The following CRISPLD2 variants were observed in gnomAD, a reference collection of about 807,000 sequenced individuals.
CRISPLD2 encodes the protein cysteine-rich secretory protein LCCL domain-containing 2.
CRISPLD2 carries 47 observed loss-of-function variants against 71.1 expected under a neutral mutation model. The ratio of observed to expected loss-of-function variants is 0.66; its 90% CI spans 0.52 to 0.84. The LOEUF (loss-of-function observed/expected upper bound fraction) is 0.84. CRISPLD2 is among the 40% of genes least tolerant of loss of function. The pLI, the probability that CRISPLD2 is intolerant of heterozygous loss-of-function variation, is 0.00. For missense variants in CRISPLD2, 830 were observed against 651.1 expected (o/e 1.27, Z -2.99); for synonymous variants, 317 against 250.1 (o/e 1.27, Z -2.52).
rs1048112820 is a variant in CRISPLD2 at position 84,849,301 on chromosome 16, C to G, written c.360-84C>G. On this transcript the variant is annotated intron_variant, in intron 3 of 14. Transcript: ENST00000262424. Reference sequence around the variant, plus strand: ...TATTCACCCTCCTCGGCCTCCCTCCCTCCTACCTGCCCGTGGCTGCTGCTG... The same window carrying G: ...TATTCACCCTCCTCGGCCTCCCTCCGTCCTACCTGCCCGTGGCTGCTGCTG... 34 of 1,391,454 alleles carry G rather than the reference C, an allele frequency of 2.4e-5. 1 individual carries two copies. The highest frequency in any genetic ancestry group is 3.2e-5 in the Non-Finnish European group (32 of 1,014,192). 86.2% of individuals were successfully genotyped at this position (1,391,454 alleles called of 1,614,324 possible).
chr16:84,898,146 G>A (rs1438071811), intron 14 of CRISPLD2, among the ~76,000 whole-genome samples: 3 of 152,234 alleles, frequency 2.0e-5, no homozygotes, highest in East Asian at 3.9e-4. Context: ...TTTTGCGCAA[G>A]CCTGTGCACT....
At chr16:84,888,999 C>A (rs1445515726) in intron 13 of CRISPLD2, among the ~76,000 whole-genome samples, 2 of 152,348 alleles carry the variant, frequency 1.3e-5, no homozygotes, top group East Asian at 1.9e-4. Flanking sequence ...CCGTGCCTGG[C>A]ATATAATAGG....
rs1279995301 is a variant in CRISPLD2, at chr16:84,866,967, A to C, written c.780A>C (p.Glu260Asp). 1.2e-6 allele frequency: 2 copies of C among 1,614,100 alleles called. No individual in the cohort carries two copies. The highest frequency in any genetic ancestry group is 3.3e-5 in the Admixed American group (2 of 60,010). ...NEVETAPIPEENHVWLQPRVM... is the reference protein window; with the variant it reads ...NEVETAPIPEDNHVWLQPRVM... ...TGGAAACGGCTCCCATTCCTGAAGA[A>C]AACCATGTTTGGCTCCAACCGAGGG... The change falls in exon 7 of 15, where the codon GAA becomes GAC. Residue 260 changes from glutamate to aspartate, a missense_variant. Transcript: ENST00000262424.
At chr16:84,861,844 C>T (rs888078950) in intron 6 of CRISPLD2, among the ~76,000 whole-genome samples, 2 of 152,142 alleles carry the variant, frequency 1.3e-5, no homozygotes, top group East Asian at 3.9e-4. Flanking sequence ...ATGGGAAGAT[C>T]GCTTGAGTCC....
At chr16:84,891,382 C>T (rs763520584) in intron 14 of CRISPLD2, among the ~76,000 whole-genome samples, 15 of 152,180 alleles carry the variant, frequency 9.9e-5, no homozygotes, top group Non-Finnish European at 2.1e-4. Flanking sequence ...GTACCCAGAT[C>T]GTGCCCATTC....
chr16:84,878,555 C>T (rs949835776), intron 12 of CRISPLD2, among the ~76,000 whole-genome samples: 9 of 152,196 alleles, frequency 5.9e-5, no homozygotes, highest in African/African-American at 1.7e-4. Flanking sequence ...TCTGTGGATA[C>T]GTGACAACGG....
chr16:84,900,058 G>T (rs376696503), intron 14 of CRISPLD2, among the ~76,000 whole-genome samples: 1 of 152,010 alleles, frequency 6.6e-6, no homozygotes, highest in African/African-American at 2.4e-5. Flanking sequence ...CAGCAGGGCC[G>T]CCAGGGTCAC....
intron 2 of CRISPLD2, among the ~76,000 whole-genome samples, chr16:84,841,149 A>C (rs1916760188): frequency 6.6e-6 from 1 of 152,224 alleles, no homozygotes; most frequent in African/African-American, 2.4e-5. Context: ...GGGAGCTGCA[A>C]GAAAGAACGT....
rs147642053 is a variant in CRISPLD2, at chr16:84,848,736, C to T, written c.360-649C>T. On this transcript the variant is annotated intron_variant, in intron 3 of 14. Coordinates refer to ENST00000262424, the MANE Select transcript of CRISPLD2 (RefSeq NM_031476.4). ...GATGACAGGCATGAGCCACCATGTT[C>T]GGCCTTAAGTGCACTCACGTCTTCA... Among the ~76,000 whole-genome samples the T allele has an allele frequency of 9.3e-3, 1,421 of 152,294 alleles. 20 individuals carry two copies. The highest frequency in any genetic ancestry group is 0.032 in the African/African-American group (1,317 of 41,554).
intron 14 of CRISPLD2, among the ~76,000 whole-genome samples, chr16:84,891,143 TG>T (rs2071658747): frequency 6.6e-6 from 1 of 152,308 alleles, no homozygotes; most frequent in East Asian, 1.9e-4. Context: ...CATTAACATA[TG>T]GATTTTGAGG....
intron 1 of CRISPLD2, among the ~76,000 whole-genome samples, chr16:84,824,819 A>G (rs926386211): frequency 2.0e-5 from 3 of 152,142 alleles, no homozygotes; most frequent in Non-Finnish European, 4.4e-5. Flanking sequence ...AATACAAAAT[A>G]TGGGGCCAGG....
intron 1 of CRISPLD2, among the ~76,000 whole-genome samples, chr16:84,833,762 T>C (rs1312904551): frequency 6.6e-6 from 1 of 152,118 alleles, no homozygotes; most frequent in Admixed American, 6.5e-5. Flanking sequence ...GTCACCATGA[T>C]GCGAGGGTCT....
chr16:84,886,291 T>C (rs577645472), intron 13 of CRISPLD2, among the ~76,000 whole-genome samples: 2 of 152,332 alleles, frequency 1.3e-5, no homozygotes, highest in African/African-American at 4.8e-5. Flanking sequence ...AGGGTGCATT[T>C]TCCAGACAAA....
intron 9 of CRISPLD2, 129 bp downstream of exon 9, chr16:84,872,637 C>A: frequency 1.2e-6 from 1 of 827,638 alleles, no homozygotes; most frequent in Non-Finnish European, 1.9e-6. Context: ...ATTTCTAGAA[C>A]TGGGGCGGGT....
chr16:84,850,869 C>T (rs769328943), intron 5 of CRISPLD2, among the ~76,000 whole-genome samples, 186 bp downstream of exon 5: 9 of 152,124 alleles, frequency 5.9e-5, no homozygotes, highest in Non-Finnish European at 8.8e-5. Context: ...GGGTTCTTTC[C>T]GTCTTCCTGC....
At chr16:84,881,847 C>A (rs1257013554) in intron 13 of CRISPLD2, among the ~76,000 whole-genome samples, 1 of 152,118 alleles carries the variant, frequency 6.6e-6, no homozygotes, top group African/African-American at 2.4e-5. Context: ...TCCCCGCCAT[C>A]ATCTTTGCCT....
At chr16:84,850,880 C>T (rs575886874) in intron 5 of CRISPLD2, among the ~76,000 whole-genome samples, 197 bp downstream of exon 5, 12 of 152,170 alleles carry the variant, frequency 7.9e-5, no homozygotes, top group East Asian at 1.9e-4. Flanking sequence ...GTCTTCCTGC[C>T]GTACCATTCT....
At chr16:84,860,461 G>A (rs1440514924) in intron 6 of CRISPLD2, among the ~76,000 whole-genome samples, 1 of 152,290 alleles carries the variant, frequency 6.6e-6, no homozygotes, top group East Asian at 1.9e-4. Flanking sequence ...CTAGTTATAG[G>A]TCTAGAAGCA....
rs949483859 is a variant in CRISPLD2, at chr16:84,881,027, C to T, written c.1305+443C>T. On this transcript the variant is annotated intron_variant, in intron 13 of 14. Transcript: ENST00000262424. ...GCCAACCTCTTAGCTAAGTTTAGAC[C>T]ACTCATTTCTGCAAACATTTTCCCC... 5.3e-5 allele frequency among the ~76,000 whole-genome samples: 8 copies of T among 152,138 alleles called. No individual in the cohort carries two copies. The South Asian group carries it at 8.3e-4, about 16-fold the overall frequency.
Sources: gnomAD v4.1 joint callset for allele counts (sites outside exome capture counted in the v4.1 genomes callset) on GRCh38, gnomAD v4.1.1 for gene constraint, MANE v1.5 for transcripts, NCBI Gene and HGNC (gene_info 2026-07-23, HGNC 2026-07-21) for gene names.